Variants in SMYD3 observed in about 807,000 individuals in gnomAD.
SMYD3 encodes the protein histone-lysine N-methyltransferase SMYD3.
Under a neutral mutation model 57.7 loss-of-function variants are expected in SMYD3, and 36 were observed. The observed-to-expected ratio is 0.62, with a 90% CI of 0.48 to 0.82. The LOEUF (loss-of-function observed/expected upper bound fraction) is 0.82, where lower values mean the gene tolerates loss of function less well. Among genes scored for constraint, SMYD3 ranks in the 40% least tolerant of loss-of-function variants. The probability of loss-of-function intolerance (pLI) is 0.00; values close to 1 mark genes in which losing one functional copy is unlikely to be tolerated. For synonymous variants in SMYD3, 211 were observed against 195.0 expected (o/e 1.08, Z -0.68); for missense variants, 515 against 538.8 (o/e 0.96, Z 0.44).
chr1:245,799,153 G>C (rs910476369), intron 10 of SMYD3, among the ~76,000 whole-genome samples: 2 of 152,184 alleles, frequency 1.3e-5, no homozygotes, highest in African/African-American at 2.4e-5. Context: ...ATTCCTATTA[G>C]GTACAGAGAG....
intron 8 of SMYD3, among the ~76,000 whole-genome samples, chr1:245,877,110 T>C (rs1431130047): frequency 6.6e-6 from 1 of 152,186 alleles, no homozygotes; most frequent in Non-Finnish European, 1.5e-5. Flanking sequence ...TGTTGGGTGC[T>C]TCTGGTTCAC....
intron 1 of SMYD3, among the ~76,000 whole-genome samples, chr1:246,409,372 C>G (rs2066922987): frequency 6.6e-6 from 1 of 152,244 alleles, no homozygotes; most frequent in African/African-American, 2.4e-5. Context: ...AGGAAGGGAT[C>G]CAGTTTCAGC....
At chr1:246,251,052 C>G (rs2063791175) in intron 5 of SMYD3, among the ~76,000 whole-genome samples, 1 of 152,150 alleles carries the variant, frequency 6.6e-6, no homozygotes, top group Non-Finnish European at 1.5e-5. Context: ...ACAAGCACAT[C>G]AACAAGAATG....
At chr1:246,284,942 A>G (rs2064529620) in intron 5 of SMYD3, among the ~76,000 whole-genome samples, 1 of 149,188 alleles carries the variant, frequency 6.7e-6, no homozygotes, top group Non-Finnish European at 1.5e-5. Flanking sequence ...TACTAGTGAT[A>G]TTGACTAGTA....
intron 7 of SMYD3, among the ~76,000 whole-genome samples, chr1:245,917,885 G>A (rs2055562799): frequency 6.6e-6 from 1 of 152,136 alleles, no homozygotes; most frequent in South Asian, 2.1e-4. Context: ...AACTCCATGT[G>A]GTTTTTGTTA....
intron 5 of SMYD3, among the ~76,000 whole-genome samples, chr1:246,122,199 C>G (rs573056755): frequency 1.2e-4 from 19 of 152,118 alleles, no homozygotes; most frequent in Non-Finnish European, 2.6e-4. Flanking sequence ...CTCTTGAGGC[C>G]AGGAGTTTGA....
chr1:245,907,557 G>A (rs996126279), intron 8 of SMYD3, among the ~76,000 whole-genome samples: 1 of 152,046 alleles, frequency 6.6e-6, no homozygotes, highest in South Asian at 2.1e-4. Flanking sequence ...GAACAGATAC[G>A]CAAATGGGAA....
At chr1:246,267,332 G>A (rs939060071) in intron 5 of SMYD3, among the ~76,000 whole-genome samples, 1 of 151,996 alleles carries the variant, frequency 6.6e-6, no homozygotes, top group Non-Finnish European at 1.5e-5. Context: ...AGAAAACACT[G>A]CAAGCTATAT....
At chr1:245,772,636 C>T (rs781301030) in intron 10 of SMYD3, among the ~76,000 whole-genome samples, 1 of 152,092 alleles carries the variant, frequency 6.6e-6, no homozygotes, top group Non-Finnish European at 1.5e-5. Context: ...GTACTTCAGC[C>T]TAAGTGACAG....
intron 8 of SMYD3, among the ~76,000 whole-genome samples, chr1:245,889,986 G>T (rs2053291747): frequency 6.6e-6 from 1 of 151,988 alleles, no homozygotes; most frequent in Non-Finnish European, 1.5e-5. Flanking sequence ...CATACACTGG[G>T]GGAAGGATAG....
chr1:246,418,986 C>T (rs2067103110), intron 1 of SMYD3, among the ~76,000 whole-genome samples: 1 of 152,174 alleles, frequency 6.6e-6, no homozygotes, highest in African/African-American at 2.4e-5. Flanking sequence ...TCCCTCCCCA[C>T]CCTAAGTGAT....
intron 10 of SMYD3, among the ~76,000 whole-genome samples, chr1:245,808,246 C>T (rs188762005): frequency 2.6e-5 from 4 of 152,236 alleles, no homozygotes; most frequent in African/African-American, 9.6e-5. Flanking sequence ...AGATGGCATA[C>T]TTGTTTCTTT....
intron 5 of SMYD3, among the ~76,000 whole-genome samples, chr1:245,957,967 C>A (rs2057896324): frequency 6.6e-6 from 1 of 152,066 alleles, no homozygotes; most frequent in South Asian, 2.1e-4. Flanking sequence ...AATGTTAGAA[C>A]TCCTAGCAGA....
At chr1:246,160,806 C>T (rs2062105668) in intron 5 of SMYD3, among the ~76,000 whole-genome samples, 1 of 152,138 alleles carries the variant, frequency 6.6e-6, no homozygotes, top group Non-Finnish European at 1.5e-5. Context: ...TGTGGGTAAG[C>T]ATTGGGGAAA....
At chr1:245,942,734 G>A (rs1160307264) in intron 5 of SMYD3, among the ~76,000 whole-genome samples, 1 of 152,104 alleles carries the variant, frequency 6.6e-6, no homozygotes, top group Non-Finnish European at 1.5e-5. Context: ...TTTACTAATT[G>A]GAAGTAAAAC....
intron 5 of SMYD3, among the ~76,000 whole-genome samples, chr1:245,960,933 C>T (rs542450536): frequency 7.2e-5 from 11 of 152,196 alleles, no homozygotes; most frequent in South Asian, 6.2e-4. Context: ...ACAGGAAGGC[C>T]GAAGGCCAAA....
chr1:245,813,979 TG>T (rs1294967587), intron 10 of SMYD3, among the ~76,000 whole-genome samples: 6 of 151,654 alleles, frequency 4.0e-5, no homozygotes, highest in Non-Finnish European at 8.8e-5. Context: ...ATTTCTTCAT[TG>T]TTTCACCTTT....
intron 1 of SMYD3, among the ~76,000 whole-genome samples, chr1:246,376,310 A>T (rs989542701): frequency 1.3e-5 from 2 of 152,180 alleles, no homozygotes; most frequent in African/African-American, 4.8e-5. Context: ...ATAAACAAGC[A>T]GGGCACAGTA....
chr1:246,033,714 G>C (rs950118379), intron 5 of SMYD3, among the ~76,000 whole-genome samples: 2 of 152,174 alleles, frequency 1.3e-5, no homozygotes, highest in Non-Finnish European at 2.9e-5. Context: ...TTGAACCCAG[G>C]AGGTGGAAGT....
Sources: allele counts gnomAD v4.1 joint callset (sites outside exome capture counted in the v4.1 genomes callset), GRCh38; gene constraint gnomAD v4.1.1; transcripts MANE v1.5; gene names NCBI Gene and HGNC (gene_info 2026-07-23, HGNC 2026-07-21).